The following PTPRT variants were observed in gnomAD, a reference collection of about 807,000 sequenced individuals.
The protein encoded by PTPRT is receptor-type tyrosine-protein phosphatase T.
A neutral mutation model predicts 176.8 loss-of-function variants in PTPRT; 56 were observed. That is an observed-to-expected ratio of 0.32 (90% CI 0.26 to 0.40). The LOEUF is 0.40. Among genes scored for constraint, PTPRT ranks in the 10% least tolerant of loss-of-function variants. PTPRT has a pLI of 1.00. For missense variants in PTPRT, 1,540 were observed against 1,908.2 expected (o/e 0.81, Z 3.60); for synonymous variants, 783 against 739.0 (o/e 1.06, Z -0.96).
intron 9 of PTPRT, among the ~76,000 whole-genome samples, chr20:42,396,599 T>C (rs1343527475): frequency 6.6e-6 from 1 of 152,242 alleles, no homozygotes; most frequent in Non-Finnish European, 1.5e-5. Flanking sequence ...TCTTGCTCTG[T>C]TGCTTAGGCT....
In PTPRT at chr20:42,082,035, A is replaced by T; in HGVS notation, c.4137-18T>A. ...CCCCATTTCTAAACACAGAGCAAAGAGGTGAGCCATGTTCCTAGGTCCCTT... is the reference window on the plus strand; with the variant it reads ...CCCCATTTCTAAACACAGAGCAAAGTGGTGAGCCATGTTCCTAGGTCCCTT... On this transcript the variant is annotated intron_variant, in intron 29 of 30. Coordinates refer to ENST00000373187, the MANE Select transcript of PTPRT (RefSeq NM_007050.6). 6.2e-7 allele frequency: 1 copy of T among 1,614,064 alleles called. No individual in the cohort carries two copies. Among genetic ancestry groups the T allele is most frequent in the South Asian group, 1.1e-5 (1 of 91,070 alleles).
intron 5 of PTPRT, among the ~76,000 whole-genome samples, chr20:42,758,967 A>T (rs1349408917): frequency 6.6e-6 from 1 of 152,252 alleles, no homozygotes; most frequent in Non-Finnish European, 1.5e-5. Flanking sequence ...CCCCACTATG[A>T]GAACCTAGGA....
chr20:43,101,162 G>A (rs920108400), intron 1 of PTPRT, among the ~76,000 whole-genome samples: 2 of 152,096 alleles, frequency 1.3e-5, no homozygotes, highest in East Asian at 3.8e-4. Flanking sequence ...AGCATACAAA[G>A]ATAAGAAAAT....
chr20:43,173,489 T>C lies in PTPRT; in HGVS notation c.88+16157A>G, dbSNP rs115994988. On this transcript the variant is annotated intron_variant, in intron 1 of 30. Transcript: ENST00000373187. ...ATCTGATGCCTTGGCTTCGAACTCT[T>C]ATTTGTAAAACTGGAATAATGATCA... 4.0e-3 allele frequency among the ~76,000 whole-genome samples: 606 copies of C among 152,352 alleles called. 4 individuals carry two copies. Among genetic ancestry groups the C allele is most frequent in the African/African-American group, 0.014 (568 of 41,578 alleles).
intron 1 of PTPRT, among the ~76,000 whole-genome samples, chr20:43,167,065 T>C (rs968278789): frequency 3.3e-5 from 5 of 152,166 alleles, no homozygotes; most frequent in African/African-American, 1.2e-4. Context: ...CAGCTAACCA[T>C]GCCCCAGCAG....
intron 1 of PTPRT, among the ~76,000 whole-genome samples, chr20:43,089,017 C>T (rs1018397023): frequency 6.6e-6 from 1 of 152,114 alleles, no homozygotes; most frequent in Non-Finnish European, 1.5e-5. Flanking sequence ...TAATCCCTCC[C>T]TGCTGCGAGG....
the PTPRT span, among the ~76,000 whole-genome samples, chr20:42,052,698 C>T: frequency 1.3e-5 from 2 of 152,152 alleles, no homozygotes; most frequent in Non-Finnish European, 2.9e-5. Context: ...CTCAGGTGCT[C>T]ACCTTGCAGA....
chr20:42,245,459 T>G (rs775201576), intron 14 of PTPRT, among the ~76,000 whole-genome samples: 1 of 152,200 alleles, frequency 6.6e-6, no homozygotes, highest in Admixed American at 6.5e-5. Flanking sequence ...TTTCTCCTTT[T>G]CGTTTCTCAA....
At chr20:42,141,629 C>T (rs906437144) in intron 18 of PTPRT, among the ~76,000 whole-genome samples, 13 of 152,164 alleles carry the variant, frequency 8.5e-5, no homozygotes, top group Non-Finnish European at 1.8e-4. Context: ...AGGCAATGCT[C>T]GGTGAGACCC....
At chr20:42,513,587 A>AT (rs566242376) in intron 7 of PTPRT, among the ~76,000 whole-genome samples, 2 of 152,016 alleles carry the variant, frequency 1.3e-5, no homozygotes, top group Non-Finnish European at 2.9e-5. Flanking sequence ...GCATGAGATA[A>AT]TTTTTTGTTA....
intron 19 of PTPRT, among the ~76,000 whole-genome samples, chr20:42,127,587 T>G (rs530408533): frequency 3.3e-5 from 5 of 152,202 alleles, no homozygotes; most frequent in Non-Finnish European, 7.3e-5. Flanking sequence ...ACCACCACAC[T>G]TTATAGCCTA....
At chr20:42,203,524 G>A (rs749098326) in intron 15 of PTPRT, among the ~76,000 whole-genome samples, 10 of 152,126 alleles carry the variant, frequency 6.6e-5, no homozygotes, top group African/African-American at 2.4e-4. Context: ...CTTCTCCACT[G>A]GTCACCTCCT....
intron 1 of PTPRT, among the ~76,000 whole-genome samples, chr20:43,099,527 C>A (rs1475616922): frequency 6.6e-6 from 1 of 152,198 alleles, no homozygotes; most frequent in Admixed American, 6.5e-5. Flanking sequence ...GATAGGACAA[C>A]TTGCTTCCCC....
chr20:42,477,123 AC>A (rs1478964191), intron 7 of PTPRT, among the ~76,000 whole-genome samples: 2 of 152,132 alleles, frequency 1.3e-5, no homozygotes, highest in African/African-American at 4.8e-5. Context: ...GGCACTTTGC[AC>A]TGTTGTCCAA....
Position 42,967,312 on chromosome 20 carries a change from G to T in PTPRT, c.89-81380C>A, listed in dbSNP as rs1982354262. Among the ~76,000 whole-genome samples, 5 of 152,150 alleles carry T rather than the reference G, an allele frequency of 3.3e-5. No homozygotes were observed. The South Asian group carries it at 1.0e-3, about 32-fold the overall frequency. On this transcript the variant is annotated intron_variant, in intron 1 of 30. Transcript: ENST00000373187. ...AAGGTATTTAATTTAATTATTTAAG[G>T]TATTGAGATGAGATCATCCTGGTTT...
intron 13 of PTPRT, 109 bp downstream of exon 13, chr20:42,282,380 T>C: frequency 1.7e-6 from 2 of 1,146,790 alleles, no homozygotes; most frequent in South Asian, 1.5e-5. Context: ...AAAATAACAA[T>C]TCTTTCTTGT....
intron 12 of PTPRT, among the ~76,000 whole-genome samples, chr20:42,291,335 G>A (rs768345174): frequency 1.3e-5 from 2 of 152,190 alleles, no homozygotes; most frequent in Non-Finnish European, 2.9e-5. Context: ...AGAGCATGCA[G>A]ACCTGGGGAG....
intron 8 of PTPRT, among the ~76,000 whole-genome samples, chr20:42,458,500 C>T (rs1307376739): frequency 1.3e-5 from 2 of 152,144 alleles, no homozygotes; most frequent in Non-Finnish European, 2.9e-5. Flanking sequence ...TTAATATACA[C>T]AAAGTGCTTA....
At chr20:42,559,019 A>T (rs2072906695) in intron 7 of PTPRT, among the ~76,000 whole-genome samples, 1 of 152,160 alleles carries the variant, frequency 6.6e-6, no homozygotes. Flanking sequence ...CCATGAGGAC[A>T]AACACCCCAA....
Sources: allele counts gnomAD v4.1 joint callset (sites outside exome capture counted in the v4.1 genomes callset), GRCh38; gene constraint gnomAD v4.1.1; transcripts MANE v1.5; gene names NCBI Gene and HGNC (gene_info 2026-07-23, HGNC 2026-07-21).